Variants in SRPK2 observed in about 807,000 individuals in gnomAD.
The protein encoded by SRPK2 is SRSF protein kinase 2.
In SRPK2, 21 loss-of-function variants were observed where a neutral mutation model predicts 90.8. The ratio of observed to expected loss-of-function variants is 0.23; its 90% CI spans 0.16 to 0.33. SRPK2 has a LOEUF of 0.33. Ranked by LOEUF, SRPK2 falls within the 10% of genes least tolerant of loss-of-function variation. SRPK2 has a pLI of 1.00. For synonymous variants in SRPK2, 288 were observed against 311.1 expected, an observed-to-expected ratio of 0.93 and a Z score of 0.78; for missense variants, 620 against 869.0, an observed-to-expected ratio of 0.71 and a Z score of 3.60.
At chr7:105,166,364 G>A (rs1036288981) in intron 6 of SRPK2, among the ~76,000 whole-genome samples, 2 of 152,118 alleles carry the variant, frequency 1.3e-5, no homozygotes, top group Non-Finnish European at 2.9e-5. Context: ...CAATACCAAC[G>A]ATATCTGACG....
At chr7:105,321,304 G>C (rs533016794) in intron 2 of SRPK2, among the ~76,000 whole-genome samples, 1 of 152,062 alleles carries the variant, frequency 6.6e-6, no homozygotes, top group Non-Finnish European at 1.5e-5. Context: ...CTTCCTCCTC[G>C]TACCTTATAC....
chr7:105,242,449 T>C (rs1455394731), intron 2 of SRPK2, among the ~76,000 whole-genome samples: 3 of 151,862 alleles, frequency 2.0e-5, no homozygotes, highest in Non-Finnish European at 4.4e-5. Context: ...GAGGCAGAGG[T>C]TGCAGTGAGC....
intron 15 of SRPK2, among the ~76,000 whole-genome samples, chr7:105,125,129 C>CA (rs61616576): frequency 0.55 from 48,434 of 87,770 alleles, 12,399 homozygotes; most frequent in Non-Finnish European, 0.61. Context: ...GACTCCATCT[C>CA]AAAAAAAAAA....
rs1820161363 is a variant in SRPK2, at chr7:105,375,338, G to T, written c.71+13310C>A. On this transcript the variant is annotated intron_variant, in intron 2 of 15. Transcript: ENST00000393651. ...GGCCCCCAAAAATATAAAATCAAGT[G>T]TAACAAGTGGGTATGGGGGTATAAG... Among the ~76,000 whole-genome samples, 3 of 152,232 alleles carry T rather than the reference G, an allele frequency of 2.0e-5. No homozygotes were observed. In the South Asian group the frequency reaches 6.2e-4, roughly 32 times the overall value.
At chr7:105,127,878 T>C (rs556486808) in intron 13 of SRPK2, among the ~76,000 whole-genome samples, 47 of 152,366 alleles carry the variant, frequency 3.1e-4, no homozygotes, top group African/African-American at 1.1e-3. Context: ...GTTTTTCTCA[T>C]AGCTGCTTCT....
At chr7:105,283,096 T>C (rs1333502873) in intron 2 of SRPK2, among the ~76,000 whole-genome samples, 3 of 152,142 alleles carry the variant, frequency 2.0e-5, no homozygotes, top group Non-Finnish European at 4.4e-5. Flanking sequence ...AACAGTGAAA[T>C]ACCACTTCAC....
At chr7:105,298,932 C>T (rs895718130) in intron 2 of SRPK2, among the ~76,000 whole-genome samples, 20 of 152,340 alleles carry the variant, frequency 1.3e-4, no homozygotes, top group African/African-American at 4.3e-4. Flanking sequence ...ACCCAGTTAT[C>T]CATCATCACC....
Position 105,388,785 on chromosome 7 carries a change from ACT to A in SRPK2, c.16+4_16+5del. 2.0e-6 allele frequency: 3 copies of A among 1,500,156 alleles called. No homozygotes were observed. The allele number at this position is 1,500,156 out of a possible 1,614,324, so 92.9% of individuals were successfully genotyped here. A position where few individuals can be genotyped will look rare whatever the true frequency, so the allele number is the denominator to read the frequency against. On this transcript the variant is annotated splice_donor_5th_base_variant and intron_variant, in intron 1 of 15. Transcript: ENST00000393651. ...GCGGGGAGAGGGCGCGCCGCGGGCC[ACT>A]CACCTTTCCGGGAGCTCATTCCGAC...
upstream of SRPK2, among the ~76,000 whole-genome samples, chr7:105,390,601 G>GTT (rs1822139561): frequency 9.8e-5 from 10 of 102,170 alleles, no homozygotes; most frequent in East Asian, 4.6e-4. Context: ...GTTAATTTTT[G>GTT]TTTTTGTTTT....
intron 2 of SRPK2, among the ~76,000 whole-genome samples, chr7:105,239,893 T>C (rs527617769): frequency 1.3e-5 from 2 of 152,328 alleles, no homozygotes; most frequent in South Asian, 4.2e-4. Flanking sequence ...CTACAGGCTA[T>C]TTTCTTACCT....
At chr7:105,293,976 C>A (rs984299804) in intron 2 of SRPK2, among the ~76,000 whole-genome samples, 1 of 152,202 alleles carries the variant, frequency 6.6e-6, no homozygotes, top group Admixed American at 6.5e-5. Flanking sequence ...GGTTGCTGGA[C>A]TATCTGTGAA....
At chr7:105,243,202 C>A (rs1801052442) in intron 2 of SRPK2, among the ~76,000 whole-genome samples, 1 of 152,090 alleles carries the variant, frequency 6.6e-6, no homozygotes, top group Non-Finnish European at 1.5e-5. Flanking sequence ...AGGGGAATCC[C>A]TATGTTCCCC....
At chr7:105,370,985 C>T (rs1382543240) in intron 2 of SRPK2, among the ~76,000 whole-genome samples, 1 of 152,080 alleles carries the variant, frequency 6.6e-6, no homozygotes, top group Non-Finnish European at 1.5e-5. Flanking sequence ...GTAATTCAAA[C>T]ATCAGTAACA....
chr7:105,336,242 TACA>T (rs1449564159), intron 2 of SRPK2, among the ~76,000 whole-genome samples: 2 of 152,190 alleles, frequency 1.3e-5, no homozygotes, highest in Non-Finnish European at 2.9e-5. Context: ...TTCTTTTCTT[TACA>T]ACGTTTTACT....
At chr7:105,358,061 T>C (rs906804884) in intron 2 of SRPK2, among the ~76,000 whole-genome samples, 4 of 151,458 alleles carry the variant, frequency 2.6e-5, no homozygotes, top group Admixed American at 6.6e-5. Context: ...CTGTCTCTAG[T>C]AAAAATACAA....
intron 2 of SRPK2, among the ~76,000 whole-genome samples, chr7:105,251,323 T>A (rs1802450260): frequency 6.6e-6 from 1 of 152,170 alleles, no homozygotes; most frequent in African/African-American, 2.4e-5. Flanking sequence ...AAACACAGAC[T>A]GTCAAATTAT....
intron 6 of SRPK2, among the ~76,000 whole-genome samples, chr7:105,165,904 C>T (rs1789995285): frequency 6.6e-6 from 1 of 152,180 alleles, no homozygotes; most frequent in South Asian, 2.1e-4. Context: ...TCTGTGGCTT[C>T]ATTCCTGAAG....
At chr7:105,315,103 C>T (rs1812170280) in intron 2 of SRPK2, among the ~76,000 whole-genome samples, 1 of 152,104 alleles carries the variant, frequency 6.6e-6, no homozygotes. Context: ...ATAGGGGATC[C>T]CACCTCTATT....
At chr7:105,182,897 A>G (rs1401269387) in intron 3 of SRPK2, among the ~76,000 whole-genome samples, 1 of 152,238 alleles carries the variant, frequency 6.6e-6, no homozygotes, top group Non-Finnish European at 1.5e-5. Flanking sequence ...AGTATCATAT[A>G]AAACACTACG....
Sources: allele counts gnomAD v4.1 joint callset (sites outside exome capture counted in the v4.1 genomes callset), GRCh38; gene constraint gnomAD v4.1.1; transcripts MANE v1.5; gene names NCBI Gene and HGNC (gene_info 2026-07-23, HGNC 2026-07-21).